ERBB4: variants seen among roughly 807,000 people sequenced by gnomAD.
The protein encoded by ERBB4 is receptor tyrosine-protein kinase erbB-4.
In ERBB4, 42 loss-of-function variants were observed where a neutral mutation model predicts 158.0. The ratio of observed to expected loss-of-function variants is 0.27; its 90% CI spans 0.21 to 0.34. The LOEUF (loss-of-function observed/expected upper bound fraction) is 0.34. Ranked by LOEUF, ERBB4 falls within the 10% of genes least tolerant of loss-of-function variation. The pLI is 1.00. For missense variants in ERBB4, 1,333 were observed against 1,624.1 expected, an observed-to-expected ratio of 0.82 and a Z score of 3.08; for synonymous variants, 583 against 558.7, an observed-to-expected ratio of 1.04 and a Z score of -0.61.
intron 1 of ERBB4, among the ~76,000 whole-genome samples, chr2:212,406,300 C>T (rs1358961512): frequency 1.3e-5 from 2 of 152,060 alleles, no homozygotes; most frequent in African/African-American, 2.4e-5. Context: ...CCTAGTACAT[C>T]GAAATACAAA....
chr2:211,926,166 C>A (rs544804017), intron 3 of ERBB4, among the ~76,000 whole-genome samples: 1 of 152,280 alleles, frequency 6.6e-6, no homozygotes, highest in South Asian at 2.1e-4. Context: ...CAGCAGGAGA[C>A]ACAAACACAC....
intron 24 of ERBB4, among the ~76,000 whole-genome samples, chr2:211,421,617 G>C (rs2063516335): frequency 6.6e-6 from 1 of 151,764 alleles, no homozygotes; most frequent in Admixed American, 6.6e-5. Flanking sequence ...TTGATTCACT[G>C]TCTTCAAGCA....
At chr2:211,585,698 A>G (rs2068254826) in intron 19 of ERBB4, among the ~76,000 whole-genome samples, 3 of 152,150 alleles carry the variant, frequency 2.0e-5, no homozygotes, top group Admixed American at 2.0e-4. Flanking sequence ...ATTTGAGCAA[A>G]TAGGGTTTTA....
At chr2:211,803,615 G>C (rs148816176) in intron 3 of ERBB4, among the ~76,000 whole-genome samples, 1,644 of 152,282 alleles carry the variant, frequency 0.011, 15 homozygotes, top group Middle Eastern at 0.027. Context: ...CCAGAGGTTG[G>C]TTTTATTCAG....
intron 22 of ERBB4, among the ~76,000 whole-genome samples, chr2:211,428,048 C>A (rs1238755755): frequency 2.6e-5 from 4 of 151,196 alleles, no homozygotes; most frequent in African/African-American, 9.7e-5. Context: ...CACATCGGGG[C>A]CTGTCGGTGG....
intron 4 of ERBB4, among the ~76,000 whole-genome samples, chr2:211,751,649 G>A (rs1020628120): frequency 1.6e-4 from 25 of 152,196 alleles, no homozygotes; most frequent in African/African-American, 4.8e-4. Flanking sequence ...GTTTAACAAC[G>A]TTAACTATAT....
chr2:212,106,904 A>T (rs1208130341), intron 2 of ERBB4, among the ~76,000 whole-genome samples: 1 of 152,228 alleles, frequency 6.6e-6, no homozygotes, highest in Non-Finnish European at 1.5e-5. Context: ...TGGTGCACAG[A>T]AGTCAAGATT....
intron 1 of ERBB4, among the ~76,000 whole-genome samples, chr2:212,455,306 T>C (rs965884343): frequency 2.0e-5 from 3 of 152,210 alleles, no homozygotes; most frequent in African/African-American, 7.2e-5. Context: ...ATTATGCTTC[T>C]TTCCATTCTC....
chr2:211,907,114 T>G (rs114792967), intron 3 of ERBB4, among the ~76,000 whole-genome samples: 9,116 of 151,902 alleles, frequency 0.06, 542 homozygotes, highest in Non-Finnish European at 0.091. Context: ...ATACATTTCT[T>G]AAGTCAATAT....
At chr2:211,582,352 A>T (rs1401161837) in intron 19 of ERBB4, among the ~76,000 whole-genome samples, 1 of 152,184 alleles carries the variant, frequency 6.6e-6, no homozygotes. Flanking sequence ...TCAAAGTATT[A>T]TAGCTTCCAG....
chr2:211,493,206 C>T (rs1053183111), intron 20 of ERBB4, among the ~76,000 whole-genome samples: 3 of 151,976 alleles, frequency 2.0e-5, no homozygotes, highest in Admixed American at 1.3e-4. Flanking sequence ...TGAAACTTCC[C>T]TCTCAATTAT....
intron 1 of ERBB4, among the ~76,000 whole-genome samples, chr2:212,244,909 G>A (rs1456983860): frequency 1.3e-5 from 2 of 152,038 alleles, no homozygotes; most frequent in African/African-American, 4.8e-5. Flanking sequence ...TGATTTACAT[G>A]TATTTCCTCA....
intron 8 of ERBB4, among the ~76,000 whole-genome samples, chr2:211,712,915 A>G (rs575502909): frequency 1.3e-5 from 2 of 152,218 alleles, no homozygotes; most frequent in Non-Finnish European, 2.9e-5. Context: ...GTTTAATAAC[A>G]TTCAGGAGAT....
chr2:212,177,425 TACA>T (rs1281032375), intron 1 of ERBB4, among the ~76,000 whole-genome samples: 1 of 152,048 alleles, frequency 6.6e-6, no homozygotes, highest in East Asian at 1.9e-4. Context: ...GCAAATTTAG[TACA>T]ACAATAATAA....
At chr2:211,793,451 A>C (rs928203938) in intron 3 of ERBB4, among the ~76,000 whole-genome samples, 1 of 152,064 alleles carries the variant, frequency 6.6e-6, no homozygotes, top group East Asian at 1.9e-4. Context: ...GCATTTAAAT[A>C]ATGCATATGT....
chr2:212,436,902 G>A (rs1250230564), intron 1 of ERBB4, among the ~76,000 whole-genome samples: 1 of 151,912 alleles, frequency 6.6e-6, no homozygotes, highest in African/African-American at 2.4e-5. Context: ...ATAGGTTGGA[G>A]GCCAGGCAAA....
In ERBB4 at chr2:211,514,300, G is replaced by C. The variant is rs1411481846; in HGVS notation, c.2487+47603C>G. 4.6e-5 allele frequency among the ~76,000 whole-genome samples: 7 copies of C among 152,216 alleles called. 1 individual carries two copies. The South Asian group carries it at 1.2e-3, about 27-fold the overall frequency. ...TCTCGGTTTCTTGGAGTTATTGAAAGTAATGTCTCACTGCAACTGAAAGAA... is the reference window on the plus strand; with the variant it reads ...TCTCGGTTTCTTGGAGTTATTGAAACTAATGTCTCACTGCAACTGAAAGAA... On this transcript the variant is annotated intron_variant, in intron 20 of 27. Transcript: ENST00000342788.
intron 1 of ERBB4, among the ~76,000 whole-genome samples, chr2:212,390,459 T>C (rs2090822810): frequency 6.6e-6 from 1 of 151,810 alleles, no homozygotes; most frequent in African/African-American, 2.4e-5. Context: ...ATATATAAAG[T>C]CTTTCTCAGC....
chr2:212,135,247 G>C (rs1276309187), intron 1 of ERBB4, among the ~76,000 whole-genome samples: 1 of 152,014 alleles, frequency 6.6e-6, no homozygotes, highest in African/African-American at 2.4e-5. Flanking sequence ...TAGTGTGAGG[G>C]AAAATAACCT....
Sources: gnomAD v4.1 joint callset for allele counts (sites outside exome capture counted in the v4.1 genomes callset) on GRCh38, gnomAD v4.1.1 for gene constraint, MANE v1.5 for transcripts, NCBI Gene and HGNC (gene_info 2026-07-23, HGNC 2026-07-21) for gene names.